The following IDE variants were observed in gnomAD, a reference collection of about 807,000 sequenced individuals.
IDE encodes the protein insulin degrading enzyme, also known as insulin-degrading enzyme.
IDE carries 58 observed loss-of-function variants against 133.2 expected under a neutral mutation model. That is an observed-to-expected ratio of 0.44 (90% CI 0.35 to 0.54). The LOEUF is 0.54. Ranked by LOEUF, IDE falls within the 20% of genes least tolerant of loss-of-function variation. The probability of loss-of-function intolerance (pLI) is 0.00; values close to 1 mark genes in which losing one functional copy is unlikely to be tolerated. For synonymous variants in IDE, 396 were observed against 421.3 expected, an observed-to-expected ratio of 0.94 and a Z score of 0.73; for missense variants, 981 against 1,234.0, an observed-to-expected ratio of 0.79 and a Z score of 3.07.
intron 1 of IDE, among the ~76,000 whole-genome samples, chr10:92,564,840 T>A (rs1331810918): frequency 6.6e-6 from 1 of 151,926 alleles, no homozygotes; most frequent in Non-Finnish European, 1.5e-5. Context: ...AACGATCACT[T>A]GAGGCCAGGA....
At chr10:92,524,543 ATTATATATATATT>A (rs1453630299) in intron 4 of IDE, among the ~76,000 whole-genome samples, 49 of 106,044 alleles carry the variant, frequency 4.6e-4, no homozygotes, top group African/African-American at 1.7e-3. Context: ...TATATTTTAT[ATTATATATATATT>A]TTATATATAA....
intron 1 of IDE, among the ~76,000 whole-genome samples, chr10:92,572,490 A>G (rs1203576171): frequency 6.6e-6 from 1 of 152,130 alleles, no homozygotes; most frequent in Non-Finnish European, 1.5e-5. Context: ...CTAAGTCCCA[A>G]CAGGTTTCTC....
chr10:92,504,163 T>G (rs1373194174), intron 11 of IDE, among the ~76,000 whole-genome samples: 4 of 152,084 alleles, frequency 2.6e-5, no homozygotes, highest in Non-Finnish European at 5.9e-5. Flanking sequence ...AAATTAAAAA[T>G]GTAAAACATG....
At chr10:92,509,150 G>T (rs1848454304) in intron 6 of IDE, among the ~76,000 whole-genome samples, 1 of 152,118 alleles carries the variant, frequency 6.6e-6, no homozygotes, top group Admixed American at 6.5e-5. Flanking sequence ...CTTATCTTCA[G>T]GTACAGGTTA....
At chr10:92,537,000 T>C (rs888328148) in intron 2 of IDE, among the ~76,000 whole-genome samples, 18 of 148,980 alleles carry the variant, frequency 1.2e-4, no homozygotes, top group Non-Finnish European at 2.7e-4. Flanking sequence ...ATTGCGCCAC[T>C]GCACTCCAGC....
rs926262968 is a variant in IDE, at chr10:92,454,366, AG to A, written c.*77del. 1 of 960,656 alleles carries A rather than the reference AG, an allele frequency of 1.0e-6. No individual in the cohort carries two copies. Among genetic ancestry groups the A allele is most frequent in the Non-Finnish European group, 1.7e-6 (1 of 590,574 alleles). The allele number at this position is 960,656 out of a possible 1,614,324, so 59.5% of individuals were successfully genotyped here. A position where few individuals can be genotyped will look rare whatever the true frequency, so the allele number is the denominator to read the frequency against. ...CTAATAGTGAATCAGAAACTATTAA[AG>A]TGGCCAAGATGATTTTCTTAGGCTC... On this transcript the variant is annotated 3_prime_UTR_variant, in exon 25 of 25. Transcript: ENST00000265986.
chr10:92,494,401 G>GT (rs1365803514), intron 11 of IDE, among the ~76,000 whole-genome samples: 18 of 149,914 alleles, frequency 1.2e-4, no homozygotes, highest in Non-Finnish European at 2.2e-4. Context: ...TGGCTAGAGT[G>GT]TGGGGGAAGA....
At chr10:92,488,602 C>T (rs1408768906) in intron 12 of IDE, among the ~76,000 whole-genome samples, 1 of 151,870 alleles carries the variant, frequency 6.6e-6, no homozygotes, top group Non-Finnish European at 1.5e-5. Flanking sequence ...ATTGTGAAAC[C>T]TCATATCTAT....
chr10:92,484,802 A>G (rs576166452), intron 13 of IDE, among the ~76,000 whole-genome samples: 1 of 152,014 alleles, frequency 6.6e-6, no homozygotes, highest in East Asian at 1.9e-4. Context: ...TCATGCCTAT[A>G]ATCCCAGAAA....
intron 5 of IDE, 53 bp from the exon 6 acceptor site, chr10:92,510,215 C>T (rs1848510765): frequency 1.1e-6 from 1 of 894,898 alleles, no homozygotes; most frequent in Non-Finnish European, 1.8e-6. Flanking sequence ...TAACATCCAA[C>T]AGGGAGTGCT....
At chr10:92,549,647 C>A (rs1480308429) in intron 1 of IDE, among the ~76,000 whole-genome samples, 1 of 151,594 alleles carries the variant, frequency 6.6e-6, no homozygotes, top group African/African-American at 2.4e-5. Context: ...AGAACAGATG[C>A]TTACTGAATA....
chr10:92,483,727 G>C (rs1846762676), intron 13 of IDE, among the ~76,000 whole-genome samples: 1 of 152,192 alleles, frequency 6.6e-6, no homozygotes, highest in South Asian at 2.1e-4. Flanking sequence ...ATCCTTGCCT[G>C]CTGAGATTCA....
chr10:92,501,665 T>C (rs1848022691), intron 11 of IDE, among the ~76,000 whole-genome samples: 1 of 137,850 alleles, frequency 7.3e-6, no homozygotes, highest in African/African-American at 2.8e-5. Flanking sequence ...CGAGACTCCG[T>C]CTAAAAAAAA....
Position 92,543,545 on chromosome 10 carries a change from G to T in IDE, c.99-5995C>A, listed in dbSNP as rs1033345738. 2.6e-5 allele frequency among the ~76,000 whole-genome samples: 4 copies of T among 152,194 alleles called. No homozygotes were observed. The South Asian group carries it at 6.2e-4, about 24-fold the overall frequency. The stretch of plus-strand genomic sequence containing the variant: ...AATCCTGTTAAACTTATTCACCCCT[G>T]ATGTTTTGCCTTTGTGCCAGGCAGA... On this transcript the variant is annotated intron_variant, in intron 1 of 24. Coordinates refer to ENST00000265986, the MANE Select transcript of IDE (RefSeq NM_004969.4).
intron 14 of IDE, 70 bp from the exon 15 acceptor site, chr10:92,479,491 G>A: frequency 1.7e-6 from 2 of 1,180,220 alleles, no homozygotes; most frequent in Non-Finnish European, 2.5e-6. Context: ...CTTTTGAGAT[G>A]GATCAAGATA....
At chr10:92,528,237 G>A (rs961869391) in intron 4 of IDE, among the ~76,000 whole-genome samples, 3 of 152,094 alleles carry the variant, frequency 2.0e-5, no homozygotes, top group Non-Finnish European at 4.4e-5. Flanking sequence ...TTTTTCAACA[G>A]AAATCCTTTG....
Position 92,504,833 on chromosome 10 carries a change from A to G in IDE, c.1391T>C (p.Ile464Thr). 2 of 1,599,196 alleles carry G rather than the reference A, an allele frequency of 1.3e-6. No homozygotes were observed. The highest frequency in any genetic ancestry group is 1.3e-5 in the African/African-American group (1 of 74,386). ...YLLEEFRPDL[I>T]EMVLDKLRPE... ...TCTGAGTTTATCGAGAACCATCTCT[A>G]TTAAGTCAGGTCTAAATTCTTCCAG... Residue 464 changes from isoleucine to threonine, a missense_variant, in exon 11 of 25, where the codon ATA becomes ACA. This residue lies in a region of IDE where 660 missense variants were observed against 894.7 expected (regional missense o/e 0.74). Coordinates refer to ENST00000265986, the MANE Select transcript of IDE (RefSeq NM_004969.4).
intron 4 of IDE, among the ~76,000 whole-genome samples, chr10:92,524,454 T>A (rs1280141948): frequency 1.9e-4 from 11 of 56,574 alleles, no homozygotes; most frequent in African/African-American, 6.4e-4. Context: ...ATTTTATATA[T>A]TATATATTTT....
intron 22 of IDE, among the ~76,000 whole-genome samples, chr10:92,458,365 C>G (rs1845142337): frequency 6.6e-6 from 1 of 152,064 alleles, no homozygotes; most frequent in African/African-American, 2.4e-5. Context: ...ATAGTCTTTC[C>G]CAAACTTGTA....
Sources: gnomAD v4.1 joint callset for allele counts (sites outside exome capture counted in the v4.1 genomes callset) on GRCh38, gnomAD v4.1.1 for gene constraint, gnomAD v4.1.1 regional missense constraint, MANE v1.5 for transcripts, NCBI Gene and HGNC (gene_info 2026-07-23, HGNC 2026-07-21) for gene names.